Variants in DYNC1I1 observed in about 807,000 individuals in gnomAD.
DYNC1I1 encodes the protein dynein cytoplasmic 1 intermediate chain 1.
In DYNC1I1, 43 loss-of-function variants were observed where a neutral mutation model predicts 86.6. The observed-to-expected ratio is 0.50, with a 90% CI of 0.39 to 0.64. The LOEUF (loss-of-function observed/expected upper bound fraction) is 0.64. DYNC1I1 is among the 30% of genes least tolerant of loss of function. The pLI is 0.00. For synonymous variants in DYNC1I1, 262 were observed against 283.7 expected, an observed-to-expected ratio of 0.92 and a Z score of 0.77; for missense variants, 604 against 788.8, an observed-to-expected ratio of 0.77 and a Z score of 2.81.
intron 4 of DYNC1I1, among the ~76,000 whole-genome samples, chr7:95,824,681 A>G (rs911188795): frequency 2.6e-5 from 4 of 152,334 alleles, no homozygotes; most frequent in Non-Finnish European, 4.4e-5. Context: ...GAAGAATGTT[A>G]AAGGGCCTTA....
intron 1 of DYNC1I1, among the ~76,000 whole-genome samples, chr7:95,796,477 G>T (rs1794438993): frequency 6.6e-6 from 1 of 151,778 alleles, no homozygotes; most frequent in Non-Finnish European, 1.5e-5. Context: ...TGCTCTATAG[G>T]GTCTTTTCTT....
chr7:95,988,631 T>C (rs1352619092), intron 9 of DYNC1I1, among the ~76,000 whole-genome samples: 1 of 152,198 alleles, frequency 6.6e-6, no homozygotes, highest in African/African-American at 2.4e-5. Flanking sequence ...TTAACAACAA[T>C]GTTCCTTCCT....
chr7:95,811,111 G>A (rs754313777), intron 3 of DYNC1I1, among the ~76,000 whole-genome samples: 3 of 152,120 alleles, frequency 2.0e-5, no homozygotes, highest in Non-Finnish European at 4.4e-5. Context: ...CTAGTTGGTT[G>A]TCTGTGACCT....
chr7:95,985,106 G>A lies in DYNC1I1; in HGVS notation c.743+129G>A, dbSNP rs1037399218. 3.1e-6 allele frequency: 4 copies of A among 1,286,508 alleles called. No homozygotes were observed. The African/African-American group carries it at 4.6e-5, about 15-fold the overall frequency. The allele number at this position is 1,286,508 out of a possible 1,614,324, so 79.7% of individuals were successfully genotyped here. On this transcript the variant is annotated intron_variant, in intron 8 of 16. Transcript: ENST00000447467. The stretch of plus-strand genomic sequence containing the variant: ...AGGGTGAAATTTTGGAATTGATCTT[G>A]CTGAACAGCTTTGACTATGGGCTTT...
chr7:96,026,327 G>A (rs1268823189), intron 10 of DYNC1I1, among the ~76,000 whole-genome samples: 2 of 152,110 alleles, frequency 1.3e-5, no homozygotes, highest in African/African-American at 2.4e-5. Flanking sequence ...GCCTTAGGCT[G>A]ATAGGAGATC....
chr7:95,949,838 T>C (rs901543090), intron 6 of DYNC1I1, among the ~76,000 whole-genome samples: 4 of 152,194 alleles, frequency 2.6e-5, no homozygotes, highest in Non-Finnish European at 4.4e-5. Flanking sequence ...AAAGTGGACC[T>C]GAACAGTAGA....
intron 16 of DYNC1I1, among the ~76,000 whole-genome samples, chr7:96,084,068 A>G (rs1330000171): frequency 6.6e-6 from 1 of 151,750 alleles, no homozygotes; most frequent in Non-Finnish European, 1.5e-5. Flanking sequence ...GGCTGGGGAG[A>G]AAAGAGGGGC....
chr7:96,097,207 T>C lies in DYNC1I1; in HGVS notation c.1777-276T>C, dbSNP rs1245798042. 3.9e-5 allele frequency among the ~76,000 whole-genome samples: 6 copies of C among 152,366 alleles called. No homozygotes were observed. In the East Asian group the frequency reaches 1.2e-3, roughly 29 times the overall value. On this transcript the variant is annotated intron_variant, in intron 16 of 16. Coordinates refer to ENST00000447467, the MANE Select transcript of DYNC1I1 (RefSeq NM_001135556.2). Reference sequence around the variant, plus strand: ...AATTTCATTACTAAAAGCACTTTGATGTGGCTACTGTAATTGTATAGTTTG... The same window carrying C: ...AATTTCATTACTAAAAGCACTTTGACGTGGCTACTGTAATTGTATAGTTTG...
At chr7:96,010,890 A>T (rs1172463777) in intron 10 of DYNC1I1, among the ~76,000 whole-genome samples, 1 of 152,218 alleles carries the variant, frequency 6.6e-6, no homozygotes, top group African/African-American at 2.4e-5. Context: ...AACATTTTGA[A>T]TGTATTTTAA....
At chr7:96,073,847 C>T (rs1220272374) in intron 14 of DYNC1I1, among the ~76,000 whole-genome samples, 1 of 152,090 alleles carries the variant, frequency 6.6e-6, no homozygotes, top group Admixed American at 6.6e-5. Flanking sequence ...TGCAGCCACT[C>T]CACATTGCCT....
At chr7:95,930,934 C>T (rs1215679611) in intron 6 of DYNC1I1, among the ~76,000 whole-genome samples, 1 of 152,136 alleles carries the variant, frequency 6.6e-6, no homozygotes, top group Non-Finnish European at 1.5e-5. Flanking sequence ...TACAGTATTT[C>T]AGTGTTCACA....
chr7:95,878,953 A>AG (rs1029151006), intron 6 of DYNC1I1, among the ~76,000 whole-genome samples: 19 of 151,480 alleles, frequency 1.3e-4, no homozygotes, highest in African/African-American at 2.4e-4. Context: ...GAAAAGAAGA[A>AG]AAAAAAAAAA....
intron 3 of DYNC1I1, 25 bp from the exon 4 acceptor site, chr7:95,813,222 G>A: frequency 6.2e-7 from 1 of 1,612,274 alleles, no homozygotes; most frequent in Non-Finnish European, 8.5e-7. Context: ...TTTAACATGG[G>A]ATACCTGTTA....
rs1554429142 is a variant in DYNC1I1 at position 95,997,583 on chromosome 7, T to TGTGTGTG, written c.969+1510_969+1511insGTGTGTG. Among the ~76,000 whole-genome samples, 171 of 142,852 alleles carry TGTGTGTG rather than the reference T, an allele frequency of 1.2e-3. 4 individuals are homozygous for TGTGTGTG. Among genetic ancestry groups the TGTGTGTG allele is most frequent in the Admixed American group, 6.0e-3 (85 of 14,116 alleles). The allele number at this position is 142,852 out of a possible 152,430, so 93.7% of individuals were successfully genotyped here. On this transcript the variant is annotated intron_variant, in intron 10 of 16. Transcript: ENST00000447467. ...CTAGTATTAATTGAAAAGGGCATTC[T>TGTGTGTG]TGTGTGTGTGTGTGTGTGTGTGTGT...
intron 6 of DYNC1I1, among the ~76,000 whole-genome samples, chr7:95,954,915 C>CAAAAAAAAAAAAAAAAAA (rs58435060): frequency 3.7e-5 from 3 of 81,854 alleles, no homozygotes; most frequent in Non-Finnish European, 6.7e-5. Flanking sequence ...GACTCTGTCT[C>CAAAAAAAAAAAAAAAAAA]AAAAAAAAAA....
intron 12 of DYNC1I1, among the ~76,000 whole-genome samples, chr7:96,033,239 C>T (rs975059341): frequency 1.3e-5 from 2 of 152,170 alleles, no homozygotes; most frequent in Non-Finnish European, 2.9e-5. Flanking sequence ...ATGAAGAAAC[C>T]ATCTGTTTTC....
chr7:96,041,898 A>G (rs568433252), intron 14 of DYNC1I1, among the ~76,000 whole-genome samples: 1 of 152,162 alleles, frequency 6.6e-6, no homozygotes, highest in African/African-American at 2.4e-5. Context: ...AATATTTTAC[A>G]TAGTTATAAA....
chr7:95,846,625 CTCTGTGTGTGTGTG>C (rs1395557451), intron 5 of DYNC1I1, among the ~76,000 whole-genome samples: 41 of 132,788 alleles, frequency 3.1e-4, no homozygotes, highest in Non-Finnish European at 5.2e-4. Flanking sequence ...AAATCTCTCT[CTCTGTGTGTGTGTG>C]TGTGTGTGTG....
intron 6 of DYNC1I1, among the ~76,000 whole-genome samples, chr7:95,972,676 G>C (rs1207874129): frequency 1.3e-5 from 2 of 152,152 alleles, no homozygotes; most frequent in Non-Finnish European, 2.9e-5. Flanking sequence ...ACAAGTCAGC[G>C]AGCAGAGGAC....
Sources: gnomAD v4.1 joint callset for allele counts (sites outside exome capture counted in the v4.1 genomes callset) on GRCh38, gnomAD v4.1.1 for gene constraint, MANE v1.5 for transcripts, NCBI Gene and HGNC (gene_info 2026-07-23, HGNC 2026-07-21) for gene names.